KCNH1: variants seen among roughly 807,000 people sequenced by gnomAD.
KCNH1 encodes the protein potassium voltage-gated channel subfamily H member 1, also known as voltage-gated delayed rectifier potassium channel KCNH1.
KCNH1 carries 27 observed loss-of-function variants against 69.2 expected under a neutral mutation model. That is an observed-to-expected ratio of 0.39 (90% CI 0.29 to 0.54). The LOEUF (loss-of-function observed/expected upper bound fraction) is 0.54, where lower values mean the gene tolerates loss of function less well. KCNH1 is among the 20% of genes least tolerant of loss of function. The pLI is 0.68. For synonymous variants in KCNH1, 456 were observed against 487.7 expected (o/e 0.93, Z 0.86); for missense variants, 798 against 1,261.6 (o/e 0.63, Z 5.57).
At chr1:211,040,489 C>T (rs1417149533) in intron 5 of KCNH1, among the ~76,000 whole-genome samples, 1 of 152,130 alleles carries the variant, frequency 6.6e-6, no homozygotes, top group Non-Finnish European at 1.5e-5. Flanking sequence ...TCTCTTGCTG[C>T]CACCATAGTA....
At chr1:210,706,572 A>G (rs890821379) in intron 10 of KCNH1, among the ~76,000 whole-genome samples, 3 of 152,218 alleles carry the variant, frequency 2.0e-5, no homozygotes, top group Admixed American at 1.3e-4. Context: ...GACTGCACAA[A>G]TCACTTTGTT....
intron 7 of KCNH1, among the ~76,000 whole-genome samples, chr1:210,855,518 G>A (rs1181290739): frequency 2.0e-5 from 3 of 152,212 alleles, no homozygotes. Context: ...TTAGGATGTG[G>A]CCTTGACCAT....
intron 7 of KCNH1, among the ~76,000 whole-genome samples, chr1:210,828,691 A>G (rs1043223209): frequency 2.6e-5 from 4 of 152,200 alleles, no homozygotes; most frequent in African/African-American, 9.6e-5. Flanking sequence ...AAGTTGAGTT[A>G]AAGTAAGTTG....
rs563835786 is a variant in KCNH1 at position 210,809,501 on chromosome 1, C to T, written c.1463-5335G>A. 1.2e-4 allele frequency among the ~76,000 whole-genome samples: 19 copies of T among 152,084 alleles called. No individual in the cohort carries two copies. The South Asian group carries it at 3.9e-3, about 32-fold the overall frequency. ...TATATTAAATAAGCTATAGGAGGGA[C>T]CATGAATATTCATAAAAAGAGAAAC... On this transcript the variant is annotated intron_variant, in intron 7 of 10. Transcript: ENST00000271751.
intron 6 of KCNH1, among the ~76,000 whole-genome samples, chr1:210,970,585 T>A (rs113493341): frequency 0.079 from 11,978 of 152,228 alleles, 667 homozygotes; most frequent in South Asian, 0.18. Context: ...TGGCTAGCCA[T>A]ATGCAGAAAA....
chr1:211,103,284 ATTAG>A (rs753575479), intron 3 of KCNH1, among the ~76,000 whole-genome samples: 7 of 152,236 alleles, frequency 4.6e-5, no homozygotes, highest in Admixed American at 2.6e-4. Context: ...AGAAGGCTTA[ATTAG>A]TTAGTGACAA....
intron 10 of KCNH1, among the ~76,000 whole-genome samples, chr1:210,705,117 A>G (rs1248216600): frequency 6.6e-6 from 1 of 152,218 alleles, no homozygotes; most frequent in African/African-American, 2.4e-5. Context: ...CTTTGAAGAA[A>G]GAAAGACACA....
At chr1:210,887,233 A>G (rs528047360) in intron 7 of KCNH1, among the ~76,000 whole-genome samples, 1 of 152,284 alleles carries the variant, frequency 6.6e-6, no homozygotes, top group African/African-American at 2.4e-5. Flanking sequence ...AGAGTGGGGT[A>G]CAATATTCAA....
intron 7 of KCNH1, among the ~76,000 whole-genome samples, chr1:210,915,945 C>G (rs555569724): frequency 6.6e-6 from 1 of 152,148 alleles, no homozygotes; most frequent in Admixed American, 6.5e-5. Flanking sequence ...TCATAACATA[C>G]CCAGCACTCC....
At chr1:210,875,671 C>T (rs184643086) in intron 7 of KCNH1, among the ~76,000 whole-genome samples, 198 of 151,964 alleles carry the variant, frequency 1.3e-3, no homozygotes, top group Non-Finnish European at 2.4e-3. Flanking sequence ...GGTGTGGTGG[C>T]GGGTGCCTGT....
At chr1:211,039,414 G>T (rs2102430230) in intron 5 of KCNH1, among the ~76,000 whole-genome samples, 1 of 152,250 alleles carries the variant, frequency 6.6e-6, no homozygotes, top group African/African-American at 2.4e-5. Context: ...GTCCCTACTG[G>T]GGCACTGCCT....
At chr1:210,860,990 T>C (rs1277709656) in intron 7 of KCNH1, 3 of 1,056,684 alleles carry the variant, frequency 2.8e-6, no homozygotes, top group Admixed American at 3.4e-5. Flanking sequence ...CAGGGCTCCA[T>C]CTTTTTTTCA....
At chr1:211,060,796 T>A (rs1374158858) in intron 5 of KCNH1, among the ~76,000 whole-genome samples, 7 of 152,068 alleles carry the variant, frequency 4.6e-5, no homozygotes, top group Admixed American at 4.6e-4. Flanking sequence ...CAGTTACAAG[T>A]AATGAGATCA....
intron 1 of KCNH1, among the ~76,000 whole-genome samples, chr1:211,110,456 G>T (rs1691437496): frequency 6.6e-6 from 1 of 152,102 alleles, no homozygotes; most frequent in Non-Finnish European, 1.5e-5. Flanking sequence ...ATCAATAAAG[G>T]TATGGCAGGA....
Position 210,962,323 on chromosome 1 carries a change from A to G in KCNH1, c.1033-42254T>C, listed in dbSNP as rs75250766. Among the ~76,000 whole-genome samples the G allele has an allele frequency of 1.0e-3, 154 of 152,194 alleles. 1 individual carries two copies. In the East Asian group the frequency reaches 0.029, roughly 29 times the overall value. On this transcript the variant is annotated intron_variant, in intron 6 of 10. Coordinates refer to ENST00000271751, the MANE Select transcript of KCNH1 (RefSeq NM_172362.3). ...GATGGTTTGAAAACTGTCATTTCAT[A>G]TATCTTTTCCATTTTTTTCATTGCT...
chr1:211,037,370 C>G (rs551341178), intron 5 of KCNH1, among the ~76,000 whole-genome samples: 4 of 152,172 alleles, frequency 2.6e-5, no homozygotes, highest in African/African-American at 9.6e-5. Context: ...AATGGGAAGG[C>G]TGGTATTTTG....
intron 5 of KCNH1, 123 bp downstream of exon 5, chr1:211,082,652 CAGCCA>C: frequency 1.4e-6 from 1 of 733,840 alleles, no homozygotes; most frequent in East Asian, 2.5e-5. Flanking sequence ...TGTGTAAGCC[CAGCCA>C]AGACAGGCGT....
At chr1:210,849,347 G>A (rs1320381554) in intron 7 of KCNH1, among the ~76,000 whole-genome samples, 2 of 148,664 alleles carry the variant, frequency 1.3e-5, no homozygotes, top group Non-Finnish European at 3.0e-5. Context: ...TTTTGCGTGT[G>A]TGTGCTTTTC....
chr1:210,877,304 A>T (rs1319976728), intron 7 of KCNH1, among the ~76,000 whole-genome samples: 1 of 152,144 alleles, frequency 6.6e-6, no homozygotes, highest in Non-Finnish European at 1.5e-5. Context: ...CTGAAGCAGG[A>T]CACTGACTGC....
Sources: allele counts gnomAD v4.1 joint callset (sites outside exome capture counted in the v4.1 genomes callset), GRCh38; gene constraint gnomAD v4.1.1; transcripts MANE v1.5; gene names NCBI Gene and HGNC (gene_info 2026-07-23, HGNC 2026-07-21).